Variants in INO80C observed in about 807,000 individuals in gnomAD.
INO80C encodes the protein IES6 homolog.
A neutral mutation model predicts 17.7 loss-of-function variants in INO80C; 17 were observed. That is an observed-to-expected ratio of 0.96 (90% CI 0.66 to 1.44). The LOEUF (loss-of-function observed/expected upper bound fraction) is 1.44. Among genes scored for constraint, INO80C ranks in the 40% most tolerant of loss-of-function variants. The pLI is 0.00. For missense variants in INO80C, 244 were observed against 245.0 expected (o/e 1.00, Z 0.03); for synonymous variants, 96 against 95.8 (o/e 1.00, Z -0.01).
chr18:35,488,182 G>A (rs921794017), intron 1 of INO80C, among the ~76,000 whole-genome samples: 1 of 152,172 alleles, frequency 6.6e-6, no homozygotes, highest in Non-Finnish European at 1.5e-5. Flanking sequence ...CTACCATTCC[G>A]GGCTCTGAAG....
At position 35,479,319 on chromosome 18, in the gene INO80C, C is replaced by T. The variant is rs1276641660; in HGVS notation, c.360G>A (p.Trp120Ter). ...QILASERALP[W>*]QLNDPNYFSI... Reference sequence around the variant, plus strand: ...GCTCACAGTTAGGATCGTTCAGTTGCCACGGCAATGCCCTTTCAGAAGCGA... The same window carrying T: ...GCTCACAGTTAGGATCGTTCAGTTGTCACGGCAATGCCCTTTCAGAAGCGA... The change falls in exon 3 of 5, where the codon TGG (tryptophan) becomes TGA (stop). Residue 120 changes from tryptophan to a stop codon, truncating the protein, a stop_gained. Coordinates refer to ENST00000334598, the MANE Select transcript of INO80C (RefSeq NM_194281.4). LOFTEE classifies it high-confidence loss of function. 2.5e-6 allele frequency: 4 copies of T among 1,613,120 alleles called. No homozygotes were observed. The highest frequency in any genetic ancestry group is 3.4e-6 in the Non-Finnish European group (4 of 1,179,096).
At chr18:35,475,417 C>T (rs1303316563) in intron 4 of INO80C, among the ~76,000 whole-genome samples, 1 of 152,204 alleles carries the variant, frequency 6.6e-6, no homozygotes, top group Non-Finnish European at 1.5e-5. Flanking sequence ...CCTGTAATCC[C>T]AGCACTTTGG....
intron 1 of INO80C, chr18:35,483,650 G>A (rs1264135969): frequency 1.3e-5 from 2 of 152,202 alleles, no homozygotes; most frequent in Admixed American, 1.3e-4. Flanking sequence ...GAACAAGACA[G>A]GGTGGTATGA....
At chr18:35,487,827 T>A (rs941815831) in intron 1 of INO80C, 1 of 152,220 alleles carries the variant, frequency 6.6e-6, no homozygotes, top group Non-Finnish European at 1.5e-5. Context: ...AATGAGCCTG[T>A]AAAATCAAAA....
intron 1 of INO80C, 105 bp from the exon 2 acceptor site, chr18:35,480,668 G>C (rs1360708836): frequency 1.1e-6 from 1 of 873,186 alleles, no homozygotes; most frequent in African/African-American, 1.6e-5. Flanking sequence ...GCATGCAAGG[G>C]AAGACAGTAT....
Position 35,497,959 on chromosome 18 carries a change from A to C in INO80C, c.-85T>G, listed in dbSNP as rs890604078. On this transcript the variant is annotated 5_prime_UTR_variant, in exon 1 of 5. Transcript: ENST00000334598. ...CCTTTCCGCTGTTACTTCCGTCTTG[A>C]TGCTTGAAAACCCGGCCTGGACTCC... 6 of 1,377,942 alleles carry C rather than the reference A, an allele frequency of 4.4e-6. No individual in the cohort carries two copies. The highest frequency in any genetic ancestry group is 5.7e-6 in the Non-Finnish European group (6 of 1,044,934). The allele number at this position is 1,377,942 out of a possible 1,614,324, so 85.4% of individuals were successfully genotyped here. A position where few individuals can be genotyped will look rare whatever the true frequency, so the allele number is the denominator to read the frequency against.
intron 1 of INO80C, among the ~76,000 whole-genome samples, chr18:35,482,183 G>C (rs1284375891): frequency 6.6e-6 from 1 of 152,112 alleles, no homozygotes; most frequent in Non-Finnish European, 1.5e-5. Flanking sequence ...TCCAAAGGTT[G>C]CATGCACCCT....
intron 3 of INO80C, 140 bp from the exon 4 acceptor site, chr18:35,478,489 TTAAC>T: frequency 1.5e-6 from 1 of 677,888 alleles, no homozygotes; most frequent in Non-Finnish European, 2.5e-6. Context: ...TCTCTGGAGA[TTAAC>T]TAGAGAAGTA....
intron 1 of INO80C, among the ~76,000 whole-genome samples, chr18:35,490,737 A>G (rs2045925536): frequency 7.2e-6 from 1 of 139,560 alleles, no homozygotes; most frequent in Non-Finnish European, 1.5e-5. Context: ...ATGTTCAAAA[A>G]CTGCATTTCT....
rs763792098 is a variant in INO80C, at chr18:35,497,711, C to G, written c.156+8G>C. ...GCGCACGCGCAGCCTGGGAGCGCGACTGCGTACCTGCGCAAAGCTGGAAGC... is the reference window on the plus strand; with the variant it reads ...GCGCACGCGCAGCCTGGGAGCGCGAGTGCGTACCTGCGCAAAGCTGGAAGC... On this transcript the variant is annotated splice_region_variant and intron_variant, in intron 1 of 4. Coordinates refer to ENST00000334598, the MANE Select transcript of INO80C (RefSeq NM_194281.4). 3 of 1,610,336 alleles carry G rather than the reference C, an allele frequency of 1.9e-6. No homozygotes were observed. Among genetic ancestry groups the G allele is most frequent in the African/African-American group, 2.7e-5 (2 of 74,668 alleles).
chr18:35,470,280 C>A (rs143601907), intron 4 of INO80C, among the ~76,000 whole-genome samples: 73 of 152,272 alleles, frequency 4.8e-4, no homozygotes, highest in East Asian at 3.1e-3. Flanking sequence ...GGGAACCCCC[C>A]CTAAGTATTT....
intron 1 of INO80C, chr18:35,488,959 CTT>C (rs1349731937): frequency 1.3e-5 from 2 of 153,530 alleles, no homozygotes; most frequent in African/African-American, 4.8e-5. Context: ...CTGTCAGTCT[CTT>C]TGCTAAAACA....
intron 1 of INO80C, chr18:35,487,418 T>C (rs1178538313): frequency 1.8e-5 from 7 of 390,108 alleles, no homozygotes; most frequent in Admixed American, 5.8e-5. Flanking sequence ...CTCACAATCA[T>C]GGCGGAAGGC....
intron 1 of INO80C, among the ~76,000 whole-genome samples, chr18:35,491,566 C>A (rs553118179): frequency 2.6e-5 from 4 of 152,066 alleles, no homozygotes; most frequent in Non-Finnish European, 4.4e-5. Flanking sequence ...ACCAGAGACA[C>A]CCCTGCCCCA....
intron 1 of INO80C, chr18:35,483,618 T>C (rs2045840581): frequency 6.6e-6 from 1 of 152,184 alleles, no homozygotes; most frequent in Non-Finnish European, 1.5e-5. Context: ...AGTGATTCAT[T>C]GATTAACTGA....
intron 4 of INO80C, among the ~76,000 whole-genome samples, chr18:35,472,038 T>C (rs1232113510): frequency 3.3e-5 from 5 of 152,238 alleles, no homozygotes; most frequent in African/African-American, 1.2e-4. Context: ...GTCTTTGCTA[T>C]TGTGAATAGT....
chr18:35,497,605 C>G (rs529090667), intron 1 of INO80C, 114 bp downstream of exon 1: 3 of 1,458,290 alleles, frequency 2.1e-6, no homozygotes, highest in Admixed American at 5.3e-5. Context: ...CTTTCAACCC[C>G]AACGGAGACC....
rs200003782 is a variant in INO80C, at chr18:35,479,322, C to T, written c.357G>A (p.Pro119=). ...CACAGTTAGGATCGTTCAGTTGCCA[C>T]GGCAATGCCCTTTCAGAAGCGAGGA... The part of the protein sequence containing the change: ...KQILASERAL[P]WQLNDPNYFS... The change falls in exon 3 of 5, where the codon CCG becomes CCA. Residue 119 remains proline (P), a synonymous_variant. Transcript: ENST00000334598. 2.2e-4 allele frequency: 350 copies of T among 1,613,030 alleles called. 1 individual carries two copies. Among genetic ancestry groups the T allele is most frequent in the South Asian group, 8.0e-4 (73 of 91,066 alleles).
intron 4 of INO80C, among the ~76,000 whole-genome samples, chr18:35,476,739 G>A (rs558543839): frequency 6.6e-6 from 1 of 152,236 alleles, no homozygotes; most frequent in South Asian, 2.1e-4. Flanking sequence ...AGAGGCTCAC[G>A]TCTTTAATCC....
Sources: allele counts gnomAD v4.1 joint callset (sites outside exome capture counted in the v4.1 genomes callset), GRCh38; gene constraint gnomAD v4.1.1; transcripts MANE v1.5; gene names NCBI Gene and HGNC (gene_info 2026-07-23, HGNC 2026-07-21).